Variants in COL7A1 observed in about 807,000 individuals in gnomAD.
COL7A1 encodes the protein collagen type VII alpha 1 chain.
In COL7A1, 296 loss-of-function variants were observed where a neutral mutation model predicts 456.2. The ratio of observed to expected loss-of-function variants is 0.65; its 90% confidence interval spans 0.59 to 0.71. The LOEUF (loss-of-function observed/expected upper bound fraction) is 0.71, where lower values mean the gene tolerates loss of function less well. COL7A1 is among the 30% of genes least tolerant of loss of function. COL7A1 has a pLI of 0.00. For missense variants in COL7A1, 3,441 were observed against 4,017.2 expected, an observed-to-expected ratio of 0.86 and a Z score of 3.88; for synonymous variants, 1,464 against 1,525.9, an observed-to-expected ratio of 0.96 and a Z score of 0.95.
rs1482199657 is a variant in COL7A1 at position 48,594,178 on chromosome 3, G to A, written c.266+190C>T. On this transcript the variant is annotated intron_variant, in intron 3 of 118. Coordinates refer to ENST00000681320, the MANE Select transcript of COL7A1 (RefSeq NM_000094.4). This position sits in a 1 kb window ranked among gnomAD's most constrained non-coding sequence, Gnocchi z 5.5. ...CTTGCAGTAGCCTGGAGGTGCCTCA[G>A]GGCACGAAGGTTCTACCTAGGGAAT... 6.6e-6 allele frequency among the ~76,000 whole-genome samples: 1 copy of A among 152,244 alleles called. No individual in the cohort carries two copies. Among genetic ancestry groups the A allele is most frequent in the African/African-American group, 2.4e-5 (1 of 41,472 alleles).
chr3:48,579,665 C>T lies in COL7A1; in HGVS notation c.5158G>A (p.Glu1720Lys). The change falls in exon 59 of 119, where the codon GAG becomes AAG. Residue 1720 changes from glutamate to lysine, a missense_variant. Glu to Lys is a moderately conservative substitution (Grantham distance 56). Around this residue, in one of 3 missense-constraint regions of COL7A1, gnomAD observed 2,084 missense variants for 2,501.3 expected, o/e 0.83. Transcript: ENST00000681320. The surrounding 1 kb of genome is among the most constrained non-coding windows in gnomAD (Gnocchi z 4.4). The stretch of plus-strand genomic sequence containing the variant: ...CCCTCTTGTCCGCGGTCCCCAGGCT[C>T]TCCCTGTGGCAGAGATAAGCTTGCT... ...DTGPGAREKG[E>K]PGDRGQEGPR... 6.2e-7 allele frequency: 1 copy of T among 1,613,718 alleles called. No homozygotes were observed. The highest frequency in any genetic ancestry group is 8.5e-7 in the Non-Finnish European group (1 of 1,179,996).
rs1470388974 is a variant in COL7A1 at position 48,568,572 on chromosome 3, C to T, written c.7759-38G>A. On this transcript the variant is annotated intron_variant, in intron 104 of 118. Transcript: ENST00000681320. This position sits in a 1 kb window ranked among gnomAD's most constrained non-coding sequence, Gnocchi z 5.2. ...CAGATGGGGGAGCCCTTCAGTGGGA[C>T]TGTCCCCAACACTGGCCCATCCGCT... 1 of 1,597,016 alleles carries T rather than the reference C, an allele frequency of 6.3e-7. No individual in the cohort carries two copies. The highest frequency in any genetic ancestry group is 8.6e-7 in the Non-Finnish European group (1 of 1,169,384).
rs2043518821 is a variant in COL7A1, at chr3:48,564,512, G to C, written c.8819-90C>G. 8 of 1,502,726 alleles carry C rather than the reference G, an allele frequency of 5.3e-6. No individual in the cohort carries two copies. The highest frequency in any genetic ancestry group is 7.3e-6 in the Non-Finnish European group (8 of 1,088,762). The allele number at this position is 1,502,726 out of a possible 1,614,324, so 93.1% of individuals were successfully genotyped here. A position where few individuals can be genotyped will look rare whatever the true frequency, so the allele number is the denominator to read the frequency against. On this transcript the variant is annotated intron_variant, in intron 118 of 118. Transcript: ENST00000681320. The surrounding 1 kb of genome is among the most constrained non-coding windows in gnomAD (Gnocchi z 6.0). ...GGCACCGCCAAGGGGAGGGAGCGGAGGCTACAACAGGAAGTGGGGGCTCTG... is the reference window on the plus strand; with the variant it reads ...GGCACCGCCAAGGGGAGGGAGCGGACGCTACAACAGGAAGTGGGGGCTCTG...
Position 48,588,307 on chromosome 3 carries a change from G to T in COL7A1, c.2685C>A (p.Gly895=), listed in dbSNP as rs2045431798. 3 of 1,612,822 alleles carry T rather than the reference G, an allele frequency of 1.9e-6. No homozygotes were observed. Among genetic ancestry groups the T allele is most frequent in the Admixed American group, 3.3e-5 (2 of 60,002 alleles). ...CCTCAGGTTGCCAGTGCAGAAGGAA[G>T]CCCTGCGCTCTGGGCACCGGCTCCC... ...LRWEPVPRAQ[G]FLLHWQPEGG... Residue 895 remains glycine (G), a synonymous_variant, in exon 21 of 119, where the codon GGC becomes GGA. Transcript: ENST00000681320. The surrounding 1 kb of genome is among the most constrained non-coding windows in gnomAD (Gnocchi z 4.6).
intron 65 of COL7A1, 61 bp from the exon 66 acceptor site, chr3:48,577,088 C>G: frequency 6.3e-7 from 1 of 1,588,578 alleles, no homozygotes; most frequent in Non-Finnish European, 8.6e-7. Context: ...CAAGACACTA[C>G]CTTGCTAGAT....
chr3:48,575,156 C>G lies in COL7A1; in HGVS notation c.6217-30G>C. The G allele has an allele frequency of 6.2e-7, 1 of 1,613,858 alleles. No individual in the cohort carries two copies. Among genetic ancestry groups the G allele is most frequent in the Non-Finnish European group, 8.5e-7 (1 of 1,179,932 alleles). On this transcript the variant is annotated intron_variant, in intron 75 of 118. Coordinates refer to ENST00000681320, the MANE Select transcript of COL7A1 (RefSeq NM_000094.4). This position sits in a 1 kb window ranked among gnomAD's most constrained non-coding sequence, Gnocchi z 6.3. Reference sequence around the variant, plus strand: ...AGGAAACAAGAAAATGGGGTGGCAGCCCCAGCACAGCCTCCAGACAGCCTG... The same window carrying G: ...AGGAAACAAGAAAATGGGGTGGCAGGCCCAGCACAGCCTCCAGACAGCCTG...
Position 48,585,070 on chromosome 3 carries a change from C to A in COL7A1, c.3941G>T (p.Gly1314Val). ...AGGGGCTCCAGGGGTCCCAGGATTC[C>A]CGGCGCGGCCAGGGCTGCCTGGACG... The part of the protein sequence containing the change: ...DGRPGSPGRA[G>V]NPGTPGAPGL... Residue 1314 changes from glycine (G) to valine (V), a missense_variant, in exon 33 of 119, where the codon GGG (glycine) becomes GTG (valine). By Grantham distance (109) the Gly-to-Val change is moderately radical (BLOSUM62 -3). Transcript: ENST00000681320. The surrounding 1 kb of genome is among the most constrained non-coding windows in gnomAD (Gnocchi z 4.5). 6.2e-7 allele frequency: 1 copy of A among 1,612,548 alleles called. No homozygotes were observed. The highest frequency in any genetic ancestry group is 8.5e-7 in the Non-Finnish European group (1 of 1,179,868).
rs775612520 is a variant in COL7A1, at chr3:48,587,194, C to T, written c.3135G>A (p.Thr1045=). Residue 1045 remains threonine (T), a synonymous_variant, in exon 24 of 119, where the codon ACG becomes ACA. Transcript: ENST00000681320. This position sits in a 1 kb window ranked among gnomAD's most constrained non-coding sequence, Gnocchi z 6.1. ...VRGPEASVTQ[T]PVCPRGLADV... ...TTCCCACTACGCCCACTATACCTGGCGTCTGTGTGACAGATGCCTCAGGAC... is the reference window on the plus strand; with the variant it reads ...TTCCCACTACGCCCACTATACCTGGTGTCTGTGTGACAGATGCCTCAGGAC... The T allele has an allele frequency of 2.5e-5, 41 of 1,613,510 alleles. No homozygotes were observed. Among genetic ancestry groups the T allele is most frequent in the Non-Finnish European group, 3.5e-5 (41 of 1,179,908 alleles).
In COL7A1 at chr3:48,566,559, C is replaced by T. The variant is rs541445877; in HGVS notation, c.8309G>A (p.Arg2770Gln). Residue 2770 changes from arginine (R) to glutamine (Q), a missense_variant, in exon 113 of 119, where the codon CGG (arginine) becomes CAG (glutamine). This residue lies in a region of COL7A1 where 2,084 missense variants were observed against 2,501.3 expected (regional missense o/e 0.83). Coordinates refer to ENST00000681320, the MANE Select transcript of COL7A1 (RefSeq NM_000094.4). The surrounding 1 kb of genome is among the most constrained non-coding windows in gnomAD (Gnocchi z 5.9). ...GCCTCGAGGACCGGCAGGCCCTGGC[C>T]GCCCCTATGTGCAACAGATGGGACC... ...GAPGERGEQG[R>Q]PGPAGPRGEK... 3.5e-5 allele frequency: 57 copies of T among 1,614,040 alleles called. No homozygotes were observed. The Admixed American group carries it at 3.7e-4, about 10-fold the overall frequency.
Position 48,570,557 on chromosome 3 carries a change from C to T in COL7A1, c.7345-57G>A. 6.2e-7 allele frequency: 1 copy of T among 1,613,754 alleles called. No individual in the cohort carries two copies. On this transcript the variant is annotated intron_variant, in intron 96 of 118. Coordinates refer to ENST00000681320, the MANE Select transcript of COL7A1 (RefSeq NM_000094.4). The surrounding 1 kb of genome is among the most constrained non-coding windows in gnomAD (Gnocchi z 5.5). The stretch of plus-strand genomic sequence containing the variant: ...GCTCTCAAAGCGCCTCCCCCAACAC[C>T]CCACAGTGTGGCCCGCCCCATCCTA...
chr3:48,573,145 C>T lies in COL7A1; in HGVS notation c.6714+29G>A. ...GCCCCAAGGAGTGAAAACACGGTGT[C>T]CCTACAGGGGCCACAGGGACTCACT... On this transcript the variant is annotated intron_variant, in intron 85 of 118. Transcript: ENST00000681320. This position sits in a 1 kb window ranked among gnomAD's most constrained non-coding sequence, Gnocchi z 5.5. The T allele has an allele frequency of 6.2e-7, 1 of 1,614,040 alleles. No homozygotes were observed. The highest frequency in any genetic ancestry group is 8.5e-7 in the Non-Finnish European group (1 of 1,179,956).
At position 48,564,102 on chromosome 3, in the gene COL7A1, C is replaced by G; in HGVS notation, c.*304G>C. The G allele has an allele frequency of 2.0e-6, 1 of 502,910 alleles. No homozygotes were observed. The highest frequency in any genetic ancestry group is 3.7e-6 in the Non-Finnish European group (1 of 273,530). The allele number at this position is 502,910 out of a possible 1,614,324, so 31.2% of individuals were successfully genotyped here. On this transcript the variant is annotated 3_prime_UTR_variant, in exon 119 of 119. Coordinates refer to ENST00000681320, the MANE Select transcript of COL7A1 (RefSeq NM_000094.4). The surrounding 1 kb of genome is among the most constrained non-coding windows in gnomAD (Gnocchi z 6.0). ...TTTAAAACAGCAGCTTTAATGCCCC[C>G]CAGAATCAGCACCATGTCATCACAG...
chr3:48,583,224 C>T lies in COL7A1; in HGVS notation c.4438-53G>A. The T allele has an allele frequency of 6.2e-7, 1 of 1,608,922 alleles. No individual in the cohort carries two copies. Among genetic ancestry groups the T allele is most frequent in the South Asian group, 1.1e-5 (1 of 90,710 alleles). On this transcript the variant is annotated intron_variant, in intron 42 of 118. Coordinates refer to ENST00000681320, the MANE Select transcript of COL7A1 (RefSeq NM_000094.4). The surrounding 1 kb of genome is among the most constrained non-coding windows in gnomAD (Gnocchi z 5.1). ...GAGAGAGAGAGGGTTGGTGGCGGGG[C>T]TTGAACGTCAAACCCCAGACAAGGG...
rs1042206784 is a variant in COL7A1, at chr3:48,590,940, G to A, written c.1637-124C>T. The A allele has an allele frequency of 7.9e-6, 8 of 1,012,988 alleles. No individual in the cohort carries two copies. In the South Asian group the frequency reaches 9.4e-5, roughly 12 times the overall value. The allele number at this position is 1,012,988 out of a possible 1,614,324, so 62.7% of individuals were successfully genotyped here. ...GGGGGTGGGGATGTGGGGTGGTGGG[G>A]ACCAGAGAGCTGGGATATGGCTGAA... On this transcript the variant is annotated intron_variant, in intron 13 of 118. Transcript: ENST00000681320. The surrounding 1 kb of genome is among the most constrained non-coding windows in gnomAD (Gnocchi z 4.6).
Position 48,579,748 on chromosome 3 carries a change from G to A in COL7A1, c.5154+37C>T. The A allele has an allele frequency of 6.2e-7, 1 of 1,613,942 alleles. No individual in the cohort carries two copies. The highest frequency in any genetic ancestry group is 1.1e-5 in the South Asian group (1 of 91,076). Reference sequence around the variant, plus strand: ...GGTAGAACCTGCTGGGAGGGGCACTGGGGTCTTTCTTACCCTCCACCCACA... The same window carrying A: ...GGTAGAACCTGCTGGGAGGGGCACTAGGGTCTTTCTTACCCTCCACCCACA... On this transcript the variant is annotated intron_variant, in intron 58 of 118. Coordinates refer to ENST00000681320, the MANE Select transcript of COL7A1 (RefSeq NM_000094.4). This position sits in a 1 kb window ranked among gnomAD's most constrained non-coding sequence, Gnocchi z 4.4.
At position 48,588,593 on chromosome 3, in the gene COL7A1, A is replaced by T; in HGVS notation, c.2587+49T>A. 1 of 1,613,484 alleles carries T rather than the reference A, an allele frequency of 6.2e-7. No homozygotes were observed. Among genetic ancestry groups the T allele is most frequent in the Non-Finnish European group, 8.5e-7 (1 of 1,179,968 alleles). On this transcript the variant is annotated intron_variant, in intron 20 of 118. Coordinates refer to ENST00000681320, the MANE Select transcript of COL7A1 (RefSeq NM_000094.4). The surrounding 1 kb of genome is among the most constrained non-coding windows in gnomAD (Gnocchi z 4.6). ...TCCAGAGCACAAGCCCGGATCCCCA[A>T]ACCATCCACACCACCCATCCGAAGC...
Position 48,572,797 on chromosome 3 carries a change from A to C in COL7A1, c.6832-58T>G, listed in dbSNP as rs2044024721. On this transcript the variant is annotated intron_variant, in intron 87 of 118. Transcript: ENST00000681320. This position sits in a 1 kb window ranked among gnomAD's most constrained non-coding sequence, Gnocchi z 4.6. ...TCTCCACCACCACCCCTGCTGCCCC[A>C]CTCCTCATATTTCAGGCCCACAGCT... 6.2e-7 allele frequency: 1 copy of C among 1,608,380 alleles called. No individual in the cohort carries two copies. Among genetic ancestry groups the C allele is most frequent in the African/African-American group, 1.3e-5 (1 of 74,204 alleles).
At position 48,574,252 on chromosome 3, in the gene COL7A1, C is replaced by T. The variant is rs1438945338; in HGVS notation, c.6501+10G>A. 1.9e-6 allele frequency: 3 copies of T among 1,613,944 alleles called. No individual in the cohort carries two copies. In the Admixed American group the frequency reaches 5.0e-5, roughly 27 times the overall value. On this transcript the variant is annotated intron_variant, in intron 80 of 118. Transcript: ENST00000681320. The surrounding 1 kb of genome is among the most constrained non-coding windows in gnomAD (Gnocchi z 5.0). ...GGAGCCTGGGGCCAGGTGCTTCAGC[C>T]ACCACTCACCGGCTTCCCTTCAGGC...
rs962201028 is a variant in COL7A1, at chr3:48,579,288, T to C, written c.5308-11A>G. ...GGGACCCCGGTCACCCTGTGGAAAA[T>C]AGAGTGGTAAGAGGCCACCAAGGCT... On this transcript the variant is annotated splice_polypyrimidine_tract_variant and intron_variant, in intron 61 of 118. Transcript: ENST00000681320. This position sits in a 1 kb window ranked among gnomAD's most constrained non-coding sequence, Gnocchi z 4.4. 3.1e-6 allele frequency: 5 copies of C among 1,613,752 alleles called. No individual in the cohort carries two copies. Among genetic ancestry groups the C allele is most frequent in the South Asian group, 2.2e-5 (2 of 91,068 alleles).
Sources: allele counts gnomAD v4.1 joint callset (sites outside exome capture counted in the v4.1 genomes callset), GRCh38; gene constraint gnomAD v4.1.1; regional missense constraint gnomAD v4.1.1; non-coding constraint Gnocchi (gnomAD v3.1); transcripts MANE v1.5; gene names NCBI Gene and HGNC (gene_info 2026-07-23, HGNC 2026-07-21).